ADGRB3: variants seen among roughly 807,000 people sequenced by gnomAD.
The protein encoded by ADGRB3 is adhesion G protein-coupled receptor B3.
A neutral mutation model predicts 193.4 loss-of-function variants in ADGRB3; 37 were observed. That is an observed-to-expected ratio of 0.19 (90% CI 0.15 to 0.25). The LOEUF (loss-of-function observed/expected upper bound fraction) is 0.25, where lower values mean the gene tolerates loss of function less well. ADGRB3 is among the 10% of genes least tolerant of loss of function. ADGRB3 has a pLI of 1.00. For missense variants in ADGRB3, 1,637 were observed against 1,852.9 expected (o/e 0.88, Z 2.14); for synonymous variants, 690 against 644.2 (o/e 1.07, Z -1.08).
chr6:68,958,744 T>C (rs920955031), intron 8 of ADGRB3, among the ~76,000 whole-genome samples: 16 of 152,150 alleles, frequency 1.1e-4, no homozygotes, highest in Admixed American at 9.2e-4. Flanking sequence ...CTCTTTTCAA[T>C]TATATGAGAT....
intron 17 of ADGRB3, among the ~76,000 whole-genome samples, chr6:69,117,386 C>G (rs902484808): frequency 5.9e-4 from 90 of 152,124 alleles, no homozygotes; most frequent in Non-Finnish European, 1.5e-4. Flanking sequence ...GTATGTTATT[C>G]CACTAGAACA....
At chr6:69,056,407 C>G (rs941243645) in intron 15 of ADGRB3, among the ~76,000 whole-genome samples, 4 of 152,018 alleles carry the variant, frequency 2.6e-5, no homozygotes, top group African/African-American at 9.7e-5. Context: ...AATATTTTCT[C>G]CCTTTTCATA....
At chr6:68,867,430 C>A (rs769603944) in intron 3 of ADGRB3, among the ~76,000 whole-genome samples, 5 of 152,126 alleles carry the variant, frequency 3.3e-5, no homozygotes, top group Non-Finnish European at 5.9e-5. Flanking sequence ...CCTGGATATC[C>A]AGGCAGATGT....
chr6:68,887,070 T>C (rs531339319), intron 3 of ADGRB3, among the ~76,000 whole-genome samples: 7 of 151,004 alleles, frequency 4.6e-5, no homozygotes, highest in South Asian at 2.1e-4. Context: ...TATATATATA[T>C]ACACACACAC....
intron 17 of ADGRB3, among the ~76,000 whole-genome samples, chr6:69,228,995 T>C (rs916265523): frequency 2.0e-5 from 3 of 152,130 alleles, no homozygotes; most frequent in Non-Finnish European, 4.4e-5. Flanking sequence ...ATATCCCAAG[T>C]CCTATCATAG....
intron 13 of ADGRB3, 58 bp downstream of exon 13, chr6:69,018,557 C>G: frequency 1.8e-6 from 2 of 1,084,322 alleles, no homozygotes; most frequent in South Asian, 2.7e-5. Context: ...TTGCAAGTAT[C>G]TACACCATAC....
chr6:68,763,461 C>T (rs2127352260), intron 3 of ADGRB3, among the ~76,000 whole-genome samples: 1 of 152,260 alleles, frequency 6.6e-6, no homozygotes, highest in Non-Finnish European at 1.5e-5. Flanking sequence ...TTAATGTCAC[C>T]TTGGTAGGCA....
chr6:69,054,040 G>C (rs1582425508), intron 15 of ADGRB3, among the ~76,000 whole-genome samples: 1 of 152,104 alleles, frequency 6.6e-6, no homozygotes, highest in African/African-American at 2.4e-5. Context: ...GAAAAATGTA[G>C]TCCCTTAAAA....
chr6:69,016,652 G>A (rs577018685), intron 12 of ADGRB3, among the ~76,000 whole-genome samples: 2 of 152,038 alleles, frequency 1.3e-5, no homozygotes, highest in South Asian at 2.1e-4. Flanking sequence ...CTGAGAAAGA[G>A]GAGCACTATC....
chr6:69,013,448 T>A (rs1769996433), intron 11 of ADGRB3, among the ~76,000 whole-genome samples: 1 of 151,934 alleles, frequency 6.6e-6, no homozygotes, highest in African/African-American at 2.4e-5. Context: ...GAGTAAAGAG[T>A]AATAATTTGA....
chr6:69,051,307 T>G (rs1771385566), intron 15 of ADGRB3, among the ~76,000 whole-genome samples: 1 of 152,194 alleles, frequency 6.6e-6, no homozygotes, highest in Non-Finnish European at 1.5e-5. Context: ...TTTTAATAAG[T>G]AAAATGTGGT....
intron 20 of ADGRB3, among the ~76,000 whole-genome samples, chr6:69,269,998 T>C (rs949175447): frequency 6.6e-6 from 1 of 152,218 alleles, no homozygotes; most frequent in Non-Finnish European, 1.5e-5. Context: ...ATAACATAAG[T>C]GTATAAAGTA....
At chr6:69,017,759 CCTT>C (rs1193487291) in intron 12 of ADGRB3, among the ~76,000 whole-genome samples, 1 of 151,848 alleles carries the variant, frequency 6.6e-6, no homozygotes, top group Non-Finnish European at 1.5e-5. Context: ...TGCTGTTTAA[CCTT>C]CTTGAGGTCT....
intron 16 of ADGRB3, among the ~76,000 whole-genome samples, chr6:69,066,921 A>G (rs142340688): frequency 7.9e-5 from 12 of 152,276 alleles, no homozygotes; most frequent in Non-Finnish European, 1.3e-4. Context: ...ATATGCTATT[A>G]GGATCCCTTG....
In ADGRB3 at chr6:69,258,575, T is replaced by A. The variant is rs149763010; in HGVS notation, c.2814+19349T>A. Among the ~76,000 whole-genome samples the A allele has an allele frequency of 3.2e-3, 495 of 152,390 alleles. 1 individual carries two copies. The highest frequency in any genetic ancestry group is 0.011 in the African/African-American group (468 of 41,598). On this transcript the variant is annotated intron_variant, in intron 20 of 31. Coordinates refer to ENST00000370598, the MANE Select transcript of ADGRB3 (RefSeq NM_001704.3). ...ATGTTAGGGCTTACAGCCATTTTTC[T>A]AATGACAAAATGGTGTATAGTCCAG...
intron 3 of ADGRB3, among the ~76,000 whole-genome samples, chr6:68,907,639 G>T (rs1766584163): frequency 6.6e-6 from 1 of 151,820 alleles, no homozygotes; most frequent in Non-Finnish European, 1.5e-5. Context: ...TTCTCTCAAT[G>T]ATTTCCCAAT....
At chr6:68,966,469 C>G (rs934590415) in intron 8 of ADGRB3, among the ~76,000 whole-genome samples, 4 of 152,170 alleles carry the variant, frequency 2.6e-5, no homozygotes, top group Non-Finnish European at 2.9e-5. Flanking sequence ...ACACTTTACC[C>G]TTTCTGAAAC....
intron 3 of ADGRB3, among the ~76,000 whole-genome samples, chr6:68,658,476 T>G (rs1317809282): frequency 6.6e-6 from 1 of 151,232 alleles, no homozygotes; most frequent in Non-Finnish European, 1.5e-5. Context: ...CCTGCATGTA[T>G]CCTCACTAAT....
At chr6:69,111,728 C>A (rs1009649609) in intron 17 of ADGRB3, among the ~76,000 whole-genome samples, 2 of 152,082 alleles carry the variant, frequency 1.3e-5, no homozygotes, top group Non-Finnish European at 2.9e-5. Flanking sequence ...TTAATTGATG[C>A]AATAAACTAT....
Sources: allele counts gnomAD v4.1 joint callset (sites outside exome capture counted in the v4.1 genomes callset), GRCh38; gene constraint gnomAD v4.1.1; transcripts MANE v1.5; gene names NCBI Gene and HGNC (gene_info 2026-07-23, HGNC 2026-07-21).